PLEKHA7: variants seen among roughly 807,000 people sequenced by gnomAD.
PLEKHA7 encodes the protein pleckstrin homology domain containing A7, also known as pleckstrin homology domain-containing family A member 7.
In PLEKHA7, 104 loss-of-function variants were observed where a neutral mutation model predicts 170.0. The ratio of observed to expected loss-of-function variants is 0.61; its 90% CI spans 0.52 to 0.72. PLEKHA7 has a LOEUF of 0.72. PLEKHA7 is among the 30% of genes least tolerant of loss of function. The pLI, the probability that PLEKHA7 is intolerant of heterozygous loss-of-function variation, is 0.00. For synonymous variants in PLEKHA7, 648 were observed against 660.8 expected (o/e 0.98, Z 0.30); for missense variants, 1,615 against 1,671.7 (o/e 0.97, Z 0.59).
rs779832043 is a variant in PLEKHA7, at chr11:16,841,651, G to A, written c.768C>T (p.Gly256=). ...STAGSQAEQS[G]MRTYYFSADT... The stretch of plus-strand genomic sequence containing the variant: ...CGGCACTGAAGTAGTAGGTCCTCAT[G>A]CCTGACTGCTCGGCCTGAGAGCCCG... The change falls in exon 9 of 27, where the codon GGC becomes GGT. Residue 256 remains glycine (G), a synonymous_variant. Coordinates refer to ENST00000531066, the MANE Select transcript of PLEKHA7 (RefSeq NM_001329630.2). 3 of 1,614,174 alleles carry A rather than the reference G, an allele frequency of 1.9e-6. No homozygotes were observed. In the South Asian group the frequency reaches 3.3e-5, roughly 18 times the overall value.
chr11:16,839,686 G>A (rs771846606), intron 9 of PLEKHA7, among the ~76,000 whole-genome samples: 1 of 151,968 alleles, frequency 6.6e-6, no homozygotes, highest in Non-Finnish European at 1.5e-5. Context: ...ATTGTATTAG[G>A]TATTATATGT....
At chr11:16,936,063 T>G (rs1227217044) in intron 3 of PLEKHA7, among the ~76,000 whole-genome samples, 3 of 152,134 alleles carry the variant, frequency 2.0e-5, no homozygotes, top group Non-Finnish European at 4.4e-5. Context: ...TTTGCCAACC[T>G]TGCTGAATAG....
At chr11:16,804,556 G>C (rs1848815144) in intron 13 of PLEKHA7, among the ~76,000 whole-genome samples, 1 of 152,184 alleles carries the variant, frequency 6.6e-6, no homozygotes, top group Non-Finnish European at 1.5e-5. Flanking sequence ...CTTGGAGTGA[G>C]GACTGATTCT....
At position 16,791,090 on chromosome 11, in the gene PLEKHA7, G is replaced by C; in HGVS notation, c.2855C>G (p.Ser952Cys). The C allele has an allele frequency of 1.2e-6, 2 of 1,614,182 alleles. No individual in the cohort carries two copies. The highest frequency in any genetic ancestry group is 1.7e-6 in the Non-Finnish European group (2 of 1,180,038). The change falls in exon 20 of 27, where the codon TCT becomes TGT. Residue 952 changes from serine (S) to cysteine (C), a missense_variant. Ser to Cys is a moderately radical substitution (Grantham distance 112). Transcript: ENST00000531066. This position sits in a 1 kb window ranked among gnomAD's most constrained non-coding sequence, Gnocchi z 4.5. ...PREATIIRHT[S>C]VRGLKRQSDE... ...TGACTGCCGCTTGAGGCCCCGCACAGATGTGTGCCGGATGATGGTGGCCTC... is the reference window on the plus strand; with the variant it reads ...TGACTGCCGCTTGAGGCCCCGCACACATGTGTGCCGGATGATGGTGGCCTC...
chr11:16,937,601 GATGT>G (rs1860396211), intron 3 of PLEKHA7, among the ~76,000 whole-genome samples: 1 of 151,836 alleles, frequency 6.6e-6, no homozygotes, highest in Admixed American at 6.6e-5. Flanking sequence ...CCTTAACTAG[GATGT>G]TTTTCTTTTC....
intron 3 of PLEKHA7, among the ~76,000 whole-genome samples, chr11:17,006,760 AG>A (rs1865024791): frequency 6.6e-6 from 1 of 152,170 alleles, no homozygotes; most frequent in African/African-American, 2.4e-5. Context: ...ACTCCTTCCT[AG>A]GGGTGGCCCA....
chr11:16,831,247 G>A (rs1384501706), intron 9 of PLEKHA7, among the ~76,000 whole-genome samples: 1 of 152,186 alleles, frequency 6.6e-6, no homozygotes, highest in African/African-American at 2.4e-5. Context: ...TACCAGACCT[G>A]AACATTTAAC....
At position 16,975,059 on chromosome 11, in the gene PLEKHA7, T is replaced by C; in HGVS notation, c.221+38930A>G. Reference sequence around the variant, plus strand: ...CGCGGAAAGAAGCCAGGTTTTTATATATACTATGTATATATGTACAGTTCT... The same window carrying C: ...CGCGGAAAGAAGCCAGGTTTTTATACATACTATGTATATATGTACAGTTCT... On this transcript the variant is annotated intron_variant, in intron 3 of 26. Transcript: ENST00000531066. 2.7e-6 allele frequency: 2 copies of C among 739,870 alleles called. 1 individual carries two copies. The highest frequency in any genetic ancestry group is 7.6e-5 in the South Asian group (2 of 26,384). 45.8% of individuals were successfully genotyped at this position (739,870 alleles called of 1,614,324 possible). A position where few individuals can be genotyped will look rare whatever the true frequency, so the allele number is the denominator to read the frequency against.
intron 3 of PLEKHA7, among the ~76,000 whole-genome samples, chr11:16,884,957 T>C (rs932535297): frequency 3.9e-5 from 6 of 152,246 alleles, no homozygotes; most frequent in South Asian, 2.1e-4. Context: ...TAAGCCTCTG[T>C]AGACGTCTGA....
In PLEKHA7 at chr11:16,789,661, C is replaced by T; in HGVS notation, c.3156+114G>A. 1 of 916,954 alleles carries T rather than the reference C, an allele frequency of 1.1e-6. No individual in the cohort carries two copies. 56.8% of individuals were successfully genotyped at this position (916,954 alleles called of 1,614,324 possible). A position where few individuals can be genotyped will look rare whatever the true frequency, so the allele number is the denominator to read the frequency against. ...CAGGGAGCTCAGGAGGGGCTGAGGC[C>T]ACCCCAGAGGCCATCCCCAGGGCTG... On this transcript the variant is annotated intron_variant, in intron 22 of 26. Coordinates refer to ENST00000531066, the MANE Select transcript of PLEKHA7 (RefSeq NM_001329630.2). The surrounding 1 kb of genome is among the most constrained non-coding windows in gnomAD (Gnocchi z 4.6).
At chr11:16,964,328 T>C (rs1254713598) in intron 3 of PLEKHA7, among the ~76,000 whole-genome samples, 1 of 152,256 alleles carries the variant, frequency 6.6e-6, no homozygotes, top group Non-Finnish European at 1.5e-5. Context: ...TTTGGGTATA[T>C]ACCTAGACAT....
chr11:16,957,689 A>ATATTTTTTTTTTTT (rs1420004461), intron 3 of PLEKHA7, among the ~76,000 whole-genome samples: 3 of 118,226 alleles, frequency 2.5e-5, no homozygotes, highest in Non-Finnish European at 5.3e-5. Context: ...TACCTCAATA[A>ATATTTTTTTTTTTT]TTTTTTTCTT....
chr11:16,921,011 C>T (rs909795273), intron 3 of PLEKHA7, among the ~76,000 whole-genome samples: 1 of 152,196 alleles, frequency 6.6e-6, no homozygotes, highest in South Asian at 2.1e-4. Flanking sequence ...AGAATGAATT[C>T]GGGGCTGTAA....
intron 12 of PLEKHA7, among the ~76,000 whole-genome samples, chr11:16,814,531 G>C (rs1160595394): frequency 6.6e-6 from 1 of 152,134 alleles, no homozygotes; most frequent in Admixed American, 6.5e-5. Flanking sequence ...CAGCCCCCTA[G>C]CCAGTCCTTG....
chr11:16,781,457 G>T (rs1379888767), intron 26 of PLEKHA7, among the ~76,000 whole-genome samples: 1 of 152,142 alleles, frequency 6.6e-6, no homozygotes, highest in East Asian at 1.9e-4. Flanking sequence ...TGGGGGAGCC[G>T]CCCCTGCTCG....
intron 9 of PLEKHA7, among the ~76,000 whole-genome samples, chr11:16,840,880 C>T (rs1851897177): frequency 6.6e-6 from 1 of 152,154 alleles, no homozygotes; most frequent in African/African-American, 2.4e-5. Context: ...AACCCATTTC[C>T]AGTCACTAAA....
chr11:16,953,768 T>C (rs369648422), intron 3 of PLEKHA7, among the ~76,000 whole-genome samples: 3 of 152,214 alleles, frequency 2.0e-5, no homozygotes, highest in Admixed American at 6.5e-5. Context: ...CTAGTTTGTG[T>C]TTATTTTTCT....
intron 5 of PLEKHA7, chr11:16,855,503 TTGC>T: frequency 2.8e-6 from 1 of 355,734 alleles, no homozygotes; most frequent in South Asian, 4.1e-5. Context: ...CTCTCCAGGC[TTGC>T]TTTAACACAC....
chr11:16,808,133 C>G (rs577985205), intron 13 of PLEKHA7, among the ~76,000 whole-genome samples: 47 of 152,298 alleles, frequency 3.1e-4, no homozygotes, highest in Non-Finnish European at 5.7e-4. Flanking sequence ...ATTTTGAGAG[C>G]CGCTACTTCA....
Sources: allele counts gnomAD v4.1 joint callset (sites outside exome capture counted in the v4.1 genomes callset), GRCh38; gene constraint gnomAD v4.1.1; non-coding constraint Gnocchi (gnomAD v3.1); transcripts MANE v1.5; gene names NCBI Gene and HGNC (gene_info 2026-07-23, HGNC 2026-07-21).